Variants in BSN observed in about 807,000 individuals in gnomAD.
BSN encodes bassoon presynaptic cytomatrix protein.
A neutral mutation model predicts 264.8 loss-of-function variants in BSN; 57 were observed. That is an observed-to-expected ratio of 0.22 (90% confidence interval 0.17 to 0.27). BSN has a LOEUF of 0.27. BSN is among the 10% of genes least tolerant of loss of function. The pLI is 1.00. For missense variants in BSN, 4,615 were observed against 5,232.5 expected, an observed-to-expected ratio of 0.88 and a Z score of 3.64; for synonymous variants, 2,059 against 2,137.3, an observed-to-expected ratio of 0.96 and a Z score of 1.01.
In BSN at chr3:49,662,099, G is replaced by A. The variant is rs1266328574; in HGVS notation, c.10254G>A (p.Glu3418=). ...ATGGGCTCAAGAAGAACGTGTATGA[G>A]CAGCAAAAATACTATGGGATGTCCA... ...ITYGLKKNVY[E]QQKYYGMSSR... The change falls in exon 6 of 12, where the codon GAG becomes GAA. Residue 3418 remains glutamate, a synonymous_variant. Transcript: ENST00000296452. 1 of 1,613,546 alleles carries A rather than the reference G, an allele frequency of 6.2e-7. No individual in the cohort carries two copies.
chr3:49,658,808 A>G (rs1386317879), intron 5 of BSN, among the ~76,000 whole-genome samples: 13 of 152,222 alleles, frequency 8.5e-5, no homozygotes, highest in African/African-American at 2.9e-4. Context: ...ATTCAGAAGC[A>G]TAAGCTTACC....
At position 49,664,930 on chromosome 3, in the gene BSN, C is replaced by T. The variant is rs564474679; in HGVS notation, c.*14+77C>T. 4.2e-5 allele frequency: 46 copies of T among 1,100,884 alleles called. No homozygotes were observed. The East Asian group carries it at 1.0e-3, about 24-fold the overall frequency. The allele number at this position is 1,100,884 out of a possible 1,614,324, so 68.2% of individuals were successfully genotyped here. On this transcript the variant is annotated intron_variant, in intron 10 of 11. Transcript: ENST00000296452. Reference sequence around the variant, plus strand: ...TGGGGGTGGGGGTGGGGCTCTAAGTCCGAAGGGGTCCTCTGGGAGGAGTCC... The same window carrying T: ...TGGGGGTGGGGGTGGGGCTCTAAGTTCGAAGGGGTCCTCTGGGAGGAGTCC...
chr3:49,577,882 A>G (rs923685376), intron 1 of BSN, among the ~76,000 whole-genome samples: 7 of 152,158 alleles, frequency 4.6e-5, no homozygotes, highest in Non-Finnish European at 1.0e-4. Flanking sequence ...AAAAATGGAA[A>G]TGATAAGAAT....
intron 3 of BSN, among the ~76,000 whole-genome samples, chr3:49,646,385 T>C (rs2052503858): frequency 6.6e-6 from 1 of 152,216 alleles, no homozygotes; most frequent in Non-Finnish European, 1.5e-5. Flanking sequence ...TCTCTTATTA[T>C]ATCATCATTG....
At chr3:49,565,437 C>T (rs2051745370) in intron 1 of BSN, among the ~76,000 whole-genome samples, 2 of 151,468 alleles carry the variant, frequency 1.3e-5, no homozygotes, top group African/African-American at 4.9e-5. Context: ...TCTCCTGCCT[C>T]AGCCTCCGGA....
Position 49,610,596 on chromosome 3 carries a change from A to AAAC in BSN, c.225-14377_225-14376insCAA, listed in dbSNP as rs1307632892. ...CGAAATTTCATCTCAAAAAAAAAAA[A>AAAC]AAAAAAAAAACAAGTAGGCCTGATT... On this transcript the variant is annotated intron_variant, in intron 1 of 11. Coordinates refer to ENST00000296452, the MANE Select transcript of BSN (RefSeq NM_003458.4). 3.6e-3 allele frequency among the ~76,000 whole-genome samples: 539 copies of AAAC among 151,448 alleles called. 7 individuals carry two copies. The highest frequency in any genetic ancestry group is 0.01 in the Middle Eastern group (3 of 294).
chr3:49,593,841 C>T lies in BSN; in HGVS notation c.225-31134C>T, dbSNP rs548220124. Among the ~76,000 whole-genome samples, 65 of 126,182 alleles carry T rather than the reference C, an allele frequency of 5.2e-4. No homozygotes were observed. In the South Asian group the frequency reaches 0.011, roughly 21 times the overall value. 82.8% of individuals were successfully genotyped at this position (126,182 alleles called of 152,430 possible). A position where few individuals can be genotyped will look rare whatever the true frequency, so the allele number is the denominator to read the frequency against. On this transcript the variant is annotated intron_variant, in intron 1 of 11. Coordinates refer to ENST00000296452, the MANE Select transcript of BSN (RefSeq NM_003458.4). ...TTTTTGAGATGGAGTCTCGCTCTAT[C>T]GCCCAGGCTGGAGTGCGGTGGCGTG...
At chr3:49,599,541 G>T (rs185770149) in intron 1 of BSN, among the ~76,000 whole-genome samples, 1 of 152,124 alleles carries the variant, frequency 6.6e-6, no homozygotes. Context: ...CAGAGCTAGG[G>T]ATGGGGGAGG....
At chr3:49,613,331 A>AGAGAGAGAGAGAGAGAGAGAGAGAGAGG in intron 1 of BSN, among the ~76,000 whole-genome samples, 1 of 149,648 alleles carries the variant, frequency 6.7e-6, no homozygotes, top group Non-Finnish European at 1.5e-5. Context: ...AGAGAGAGAG[A>AGAGAGAGAGAGAGAGAGAGAGAGAGAGG]GAGAGAGAGA....
intron 1 of BSN, among the ~76,000 whole-genome samples, chr3:49,572,414 G>A (rs1390900421): frequency 1.3e-5 from 2 of 152,172 alleles, no homozygotes; most frequent in Admixed American, 1.3e-4. Flanking sequence ...AACTTGGACA[G>A]CCTCAGGTCG....
intron 1 of BSN, among the ~76,000 whole-genome samples, chr3:49,621,798 A>G (rs988538800): frequency 6.6e-6 from 1 of 151,884 alleles, no homozygotes; most frequent in Non-Finnish European, 1.5e-5. Flanking sequence ...GCTTACCGTA[A>G]CCTTGATCTC....
rs369936418 is a variant in BSN, at chr3:49,660,490, C to T, written c.8645C>T (p.Ser2882Leu). The T allele has an allele frequency of 1.3e-6, 2 of 1,530,570 alleles. No homozygotes were observed. Among genetic ancestry groups the T allele is most frequent in the Non-Finnish European group, 1.8e-6 (2 of 1,139,050 alleles). 94.8% of individuals were successfully genotyped at this position (1,530,570 alleles called of 1,614,324 possible). The change falls in exon 6 of 12, where the codon TCG (serine) becomes TTG (leucine). Residue 2882 changes from serine to leucine, a missense_variant. Ser to Leu is a moderately radical substitution (Grantham distance 145, BLOSUM62 -2). This residue lies in a region of BSN where 3,415 missense variants were observed against 3,866.4 expected (regional missense o/e 0.88). Coordinates refer to ENST00000296452, the MANE Select transcript of BSN (RefSeq NM_003458.4). The surrounding 1 kb of genome is among the most constrained non-coding windows in gnomAD (Gnocchi z 7.1). ...CCACCCTTCCCTCTGTCTCAGGTGTCGGCGTTGCCACCCAACAGCCTGGTC... is the reference window on the plus strand; with the variant it reads ...CCACCCTTCCCTCTGTCTCAGGTGTTGGCGTTGCCACCCAACAGCCTGGTC... The part of the protein sequence containing the change: ...QHQGGLGSQV[S>L]ALPPNSLVRK...
At chr3:49,644,446 A>T (rs1306572856) in intron 3 of BSN, among the ~76,000 whole-genome samples, 1 of 152,126 alleles carries the variant, frequency 6.6e-6, no homozygotes, top group East Asian at 1.9e-4. Context: ...ACCAAAGGCC[A>T]CACTTTCCAA....
intron 1 of BSN, among the ~76,000 whole-genome samples, chr3:49,605,547 ATTTTATAT>A (rs2052118148): frequency 2.4e-4 from 1 of 4,188 alleles, no homozygotes; most frequent in African/African-American, 1.0e-3. Context: ...TATTATATAT[ATTTTATAT>A]AATATATATT....
At chr3:49,558,334 A>G (rs2051689647) in intron 1 of BSN, among the ~76,000 whole-genome samples, 1 of 152,262 alleles carries the variant, frequency 6.6e-6, no homozygotes. Flanking sequence ...GCCCTTCTCC[A>G]TCATTGCCCA....
At chr3:49,624,156 A>AAGCT (rs2052325066) in intron 1 of BSN, among the ~76,000 whole-genome samples, 1 of 151,744 alleles carries the variant, frequency 6.6e-6, no homozygotes, top group African/African-American at 2.4e-5. Context: ...GCCCACCACC[A>AAGCT]CACCTGGCTA....
chr3:49,576,129 G>A (rs532033899), intron 1 of BSN, among the ~76,000 whole-genome samples: 6 of 152,312 alleles, frequency 3.9e-5, no homozygotes, highest in African/African-American at 1.4e-4. Context: ...TTTTGGGGCT[G>A]TTGGGTACTC....
chr3:49,627,360 T>G (rs1413837101), intron 2 of BSN, among the ~76,000 whole-genome samples: 2 of 152,142 alleles, frequency 1.3e-5, no homozygotes, highest in Non-Finnish European at 2.9e-5. Context: ...TCTGCTGGGG[T>G]TTTCAGGTAG....
In BSN at chr3:49,660,397, C is replaced by T; in HGVS notation, c.8641-89C>T. On this transcript the variant is annotated intron_variant, in intron 5 of 11. Transcript: ENST00000296452. This position sits in a 1 kb window ranked among gnomAD's most constrained non-coding sequence, Gnocchi z 7.1. ...AGCAAGATGGAACCCAGCTCCTTCC[C>T]CAGCCCAGGCCTGGGTTCTGCCACC... The T allele has an allele frequency of 1.3e-6, 2 of 1,501,340 alleles. No individual in the cohort carries two copies. The highest frequency in any genetic ancestry group is 2.3e-5 in the Admixed American group (1 of 42,918). The allele number at this position is 1,501,340 out of a possible 1,614,324, so 93.0% of individuals were successfully genotyped here.
Sources: allele counts gnomAD v4.1 joint callset (sites outside exome capture counted in the v4.1 genomes callset), GRCh38; gene constraint gnomAD v4.1.1; regional missense constraint gnomAD v4.1.1; non-coding constraint Gnocchi (gnomAD v3.1); transcripts MANE v1.5; gene names NCBI Gene and HGNC (gene_info 2026-07-23, HGNC 2026-07-21).